The following XKR4 variants were observed in gnomAD, a reference collection of about 807,000 sequenced individuals.
XKR4 encodes the protein XK-related protein 4.
A neutral mutation model predicts 53.9 loss-of-function variants in XKR4; 12 were observed. The ratio of observed to expected loss-of-function variants is 0.22; its 90% CI spans 0.14 to 0.36. The LOEUF (loss-of-function observed/expected upper bound fraction) is 0.36. Ranked by LOEUF, XKR4 falls within the 10% of genes least tolerant of loss-of-function variation. The pLI is 1.00. For synonymous variants in XKR4, 354 were observed against 362.4 expected (o/e 0.98, Z 0.26); for missense variants, 799 against 859.5 (o/e 0.93, Z 0.88).
intron 1 of XKR4, among the ~76,000 whole-genome samples, chr8:55,199,807 C>T (rs1428715331): frequency 6.6e-6 from 1 of 152,240 alleles, no homozygotes; most frequent in Non-Finnish European, 1.5e-5. Context: ...AGGCTTATTA[C>T]GTGACAGATA....
At chr8:55,124,199 C>T (rs1350121756) in intron 1 of XKR4, among the ~76,000 whole-genome samples, 1 of 152,180 alleles carries the variant, frequency 6.6e-6, no homozygotes, top group Non-Finnish European at 1.5e-5. Flanking sequence ...AAGCTGGCGA[C>T]GCTGCTCACT....
At chr8:55,270,664 T>C (rs1818677150) in intron 1 of XKR4, among the ~76,000 whole-genome samples, 2 of 152,330 alleles carry the variant, frequency 1.3e-5, no homozygotes, top group Admixed American at 6.5e-5. Context: ...CATACCTACA[T>C]TGGGTAATGT....
chr8:55,341,724 G>A (rs1803549125), intron 1 of XKR4, among the ~76,000 whole-genome samples: 1 of 152,212 alleles, frequency 6.6e-6, no homozygotes, highest in Admixed American at 6.5e-5. Context: ...GTGGACAACA[G>A]GCCGGCTTTC....
chr8:55,200,661 C>T (rs1345453690), intron 1 of XKR4, among the ~76,000 whole-genome samples: 5 of 152,150 alleles, frequency 3.3e-5, no homozygotes, highest in African/African-American at 1.2e-4. Flanking sequence ...AATATGTTGA[C>T]ACAGTAGTAT....
intron 2 of XKR4, among the ~76,000 whole-genome samples, chr8:55,464,578 G>T (rs1479488188): frequency 2.0e-5 from 3 of 152,162 alleles, no homozygotes; most frequent in African/African-American, 7.2e-5. Flanking sequence ...ACTGGCACAA[G>T]ACAGGGATGC....
intron 2 of XKR4, among the ~76,000 whole-genome samples, chr8:55,481,594 C>G (rs1315312890): frequency 6.6e-6 from 1 of 151,998 alleles, no homozygotes; most frequent in East Asian, 1.9e-4. Context: ...AAACTACCAT[C>G]AGAGTGAACA....
At chr8:55,473,187 C>A (rs531079220) in intron 2 of XKR4, among the ~76,000 whole-genome samples, 1 of 152,046 alleles carries the variant, frequency 6.6e-6, no homozygotes, top group Non-Finnish European at 1.5e-5. Context: ...AAGCTGGGAC[C>A]TTCTCTGCAA....
intron 1 of XKR4, among the ~76,000 whole-genome samples, chr8:55,228,842 TACACACACAC>T (rs71256522): frequency 2.0e-5 from 3 of 149,982 alleles, no homozygotes; most frequent in South Asian, 2.1e-4. Flanking sequence ...TGTGTGTATG[TACACACACAC>T]ACACACACAC....
chr8:55,501,445 A>T (rs1385799565), intron 2 of XKR4, among the ~76,000 whole-genome samples: 1 of 151,004 alleles, frequency 6.6e-6, no homozygotes, highest in Non-Finnish European at 1.5e-5. Flanking sequence ...CCCATCAAAC[A>T]CTAACTGTTA....
At chr8:55,197,529 C>T (rs906693908) in intron 1 of XKR4, among the ~76,000 whole-genome samples, 17 of 151,210 alleles carry the variant, frequency 1.1e-4, no homozygotes, top group East Asian at 3.9e-4. Context: ...AACACCAAAG[C>T]GCTGGGTTCA....
intron 1 of XKR4, among the ~76,000 whole-genome samples, chr8:55,345,227 G>A (rs1327601666): frequency 1.3e-5 from 2 of 152,062 alleles, no homozygotes; most frequent in Admixed American, 1.3e-4. Context: ...TCGGGAGGCA[G>A]AGGTTGCAGT....
intron 1 of XKR4, among the ~76,000 whole-genome samples, chr8:55,179,524 T>C (rs1464337037): frequency 6.6e-6 from 1 of 152,220 alleles, no homozygotes; most frequent in Non-Finnish European, 1.5e-5. Flanking sequence ...CTGAAAATGA[T>C]TGATTTTTAA....
At chr8:55,239,290 C>A (rs139459096) in intron 1 of XKR4, among the ~76,000 whole-genome samples, 1 of 152,126 alleles carries the variant, frequency 6.6e-6, no homozygotes, top group Non-Finnish European at 1.5e-5. Flanking sequence ...TGTTTGGTCA[C>A]GGGTGATAGC....
intron 1 of XKR4, among the ~76,000 whole-genome samples, chr8:55,331,157 T>G (rs897032249): frequency 6.6e-6 from 1 of 152,188 alleles, no homozygotes. Flanking sequence ...TTGTTTCTAT[T>G]TTTATTTGCC....
chr8:55,416,285 T>C (rs1293700022), intron 2 of XKR4, among the ~76,000 whole-genome samples: 1 of 152,218 alleles, frequency 6.6e-6, no homozygotes, highest in Non-Finnish European at 1.5e-5. Flanking sequence ...AGACTGGTTG[T>C]TCTTCATTTT....
intron 1 of XKR4, among the ~76,000 whole-genome samples, chr8:55,301,509 C>T (rs1226237740): frequency 6.6e-6 from 1 of 151,880 alleles, no homozygotes; most frequent in East Asian, 1.9e-4. Context: ...GGGTATATAC[C>T]CAGTAATGAG....
chr8:55,449,912 C>A, intron 2 of XKR4: 2 of 865,740 alleles, frequency 2.3e-6, no homozygotes, highest in Non-Finnish European at 3.9e-6. Context: ...GAGCCAGATG[C>A]GGTCGAGCCT....
intron 1 of XKR4, among the ~76,000 whole-genome samples, chr8:55,159,510 T>C (rs1376902809): frequency 6.6e-6 from 1 of 152,180 alleles, no homozygotes; most frequent in Non-Finnish European, 1.5e-5. Flanking sequence ...TATTATGAAA[T>C]GGCATCTGTA....
intron 1 of XKR4, among the ~76,000 whole-genome samples, chr8:55,159,381 A>G (rs1039469792): frequency 6.6e-6 from 1 of 152,222 alleles, no homozygotes; most frequent in African/African-American, 2.4e-5. Flanking sequence ...AGACAAGACA[A>G]ATACTAAGCA....
Sources: gnomAD v4.1 joint callset for allele counts (sites outside exome capture counted in the v4.1 genomes callset) on GRCh38, gnomAD v4.1.1 for gene constraint, MANE v1.5 for transcripts, NCBI Gene and HGNC (gene_info 2026-07-23, HGNC 2026-07-21) for gene names.